Variants in RGS7 observed in about 807,000 individuals in gnomAD.
The protein encoded by RGS7 is regulator of G protein signaling 7.
A neutral mutation model predicts 81.1 loss-of-function variants in RGS7; 27 were observed. The observed-to-expected ratio is 0.33, with a 90% CI of 0.25 to 0.46. The LOEUF (loss-of-function observed/expected upper bound fraction) is 0.46, where lower values mean the gene tolerates loss of function less well. Among genes scored for constraint, RGS7 ranks in the 20% least tolerant of loss-of-function variants. RGS7 has a pLI of 1.00. For missense variants in RGS7, 396 were observed against 607.4 expected, an observed-to-expected ratio of 0.65 and a Z score of 3.66; for synonymous variants, 208 against 207.7, an observed-to-expected ratio of 1.00 and a Z score of -0.01.
chr1:240,873,077 T>TA (rs11402892), intron 6 of RGS7, among the ~76,000 whole-genome samples: 6,125 of 150,420 alleles, frequency 0.041, 409 homozygotes, highest in African/African-American at 0.14. Context: ...AGACTCCGTC[T>TA]AAAAAAAAAC....
chr1:241,264,490 C>A (rs550500022), intron 2 of RGS7, among the ~76,000 whole-genome samples: 1 of 152,038 alleles, frequency 6.6e-6, no homozygotes, highest in East Asian at 1.9e-4. Context: ...GAGTGAGACC[C>A]TGTCTCAAAG....
intron 9 of RGS7, among the ~76,000 whole-genome samples, chr1:240,840,378 A>T (rs889006256): frequency 2.0e-5 from 3 of 151,690 alleles, no homozygotes; most frequent in Non-Finnish European, 4.4e-5. Flanking sequence ...GGTTCAAGCG[A>T]TTCTCCTGCC....
At chr1:241,194,932 C>T (rs1210921134) in intron 2 of RGS7, among the ~76,000 whole-genome samples, 1 of 152,194 alleles carries the variant, frequency 6.6e-6, no homozygotes, top group Non-Finnish European at 1.5e-5. Context: ...GGATATCACT[C>T]TGCAATCTAC....
chr1:241,349,117 C>T (rs2083082797), intron 2 of RGS7, among the ~76,000 whole-genome samples: 1 of 152,148 alleles, frequency 6.6e-6, no homozygotes, highest in African/African-American at 2.4e-5. Context: ...TCAAACAGCT[C>T]TATGAAGAAA....
At chr1:241,146,103 G>A (rs1048982405) in intron 2 of RGS7, among the ~76,000 whole-genome samples, 5 of 152,190 alleles carry the variant, frequency 3.3e-5, no homozygotes, top group Non-Finnish European at 7.4e-5. Context: ...GAAGGTGAAG[G>A]AAGGAAAAGC....
At chr1:240,870,935 T>G (rs2148032813) in intron 6 of RGS7, among the ~76,000 whole-genome samples, 1 of 152,340 alleles carries the variant, frequency 6.6e-6, no homozygotes, top group African/African-American at 2.4e-5. Context: ...GTATCACATC[T>G]TACCTACCTT....
At chr1:241,255,152 G>GT (rs2077003629) in intron 2 of RGS7, among the ~76,000 whole-genome samples, 1 of 152,144 alleles carries the variant, frequency 6.6e-6, no homozygotes, top group Admixed American at 6.6e-5. Context: ...GGCAACTATT[G>GT]TTTTTTAATT....
intron 10 of RGS7, among the ~76,000 whole-genome samples, chr1:240,826,827 C>G (rs1435345426): frequency 1.3e-5 from 2 of 148,548 alleles, no homozygotes; most frequent in Admixed American, 1.3e-4. Context: ...TTTTAAAATG[C>G]CCTTCTCTCA....
chr1:241,212,086 T>C (rs1043217642), intron 2 of RGS7, among the ~76,000 whole-genome samples: 14 of 151,718 alleles, frequency 9.2e-5, no homozygotes, highest in African/African-American at 3.4e-4. Context: ...CATGTAATAA[T>C]TGAGTAATAA....
At chr1:241,009,166 A>G (rs2058833893) in intron 3 of RGS7, among the ~76,000 whole-genome samples, 1 of 152,180 alleles carries the variant, frequency 6.6e-6, no homozygotes, top group Non-Finnish European at 1.5e-5. Context: ...TGACTATCAC[A>G]CAGTCTGAAA....
At chr1:241,306,610 A>T (rs1231082461) in intron 2 of RGS7, among the ~76,000 whole-genome samples, 1 of 151,692 alleles carries the variant, frequency 6.6e-6, no homozygotes, top group Admixed American at 6.6e-5. Flanking sequence ...CTTCACAGGC[A>T]TATATACGCA....
intron 2 of RGS7, among the ~76,000 whole-genome samples, chr1:241,099,746 CA>C (rs1377552095): frequency 6.6e-6 from 1 of 152,184 alleles, no homozygotes; most frequent in Non-Finnish European, 1.5e-5. Flanking sequence ...ACTCATTCCA[CA>C]ACCACTTATC....
chr1:241,210,399 C>T (rs968890083), intron 2 of RGS7, among the ~76,000 whole-genome samples: 7 of 152,150 alleles, frequency 4.6e-5, no homozygotes, highest in Admixed American at 1.3e-4. Flanking sequence ...CCACCCACCT[C>T]GGCCTCCCAA....
chr1:241,280,279 G>A (rs527349086), intron 2 of RGS7, among the ~76,000 whole-genome samples: 7 of 152,194 alleles, frequency 4.6e-5, no homozygotes, highest in Admixed American at 6.5e-5. Flanking sequence ...AGGAATGCCC[G>A]TGATTGCCGG....
intron 6 of RGS7, among the ~76,000 whole-genome samples, chr1:240,883,028 G>C (rs950726650): frequency 2.0e-5 from 3 of 152,262 alleles, no homozygotes; most frequent in Admixed American, 2.0e-4. Context: ...TGCTGAGAAT[G>C]ATGGTTTCCA....
intron 2 of RGS7, among the ~76,000 whole-genome samples, chr1:241,238,944 C>T (rs1310833646): frequency 6.7e-6 from 1 of 148,470 alleles, no homozygotes; most frequent in Non-Finnish European, 1.5e-5. Flanking sequence ...AATGAGTCTC[C>T]AAATAGCTAT....
At position 241,091,465 on chromosome 1, in the gene RGS7, G is replaced by A. The variant is rs1373555435; in HGVS notation, c.175+7201C>T. Among the ~76,000 whole-genome samples the A allele has an allele frequency of 2.0e-5, 3 of 150,136 alleles. No individual in the cohort carries two copies. The South Asian group carries it at 6.4e-4, about 32-fold the overall frequency. ...CGGGAGGCTGAGGCAGGAGAATGGC[G>A]TGAACCCAGGAGGCGGAGCTTGCAG... On this transcript the variant is annotated intron_variant, in intron 3 of 18. Coordinates refer to ENST00000440928, the MANE Select transcript of RGS7 (RefSeq NM_001364886.1).
chr1:241,166,953 T>A (rs2070307335), intron 2 of RGS7, among the ~76,000 whole-genome samples: 2 of 152,190 alleles, frequency 1.3e-5, no homozygotes, highest in African/African-American at 4.8e-5. Context: ...CAGTAAAATG[T>A]GTTAATTGCT....
intron 3 of RGS7, among the ~76,000 whole-genome samples, chr1:241,007,756 A>G (rs1460187550): frequency 6.6e-6 from 1 of 152,214 alleles, no homozygotes; most frequent in East Asian, 1.9e-4. Context: ...AAGTGCTACT[A>G]TAAGAAATGA....
Sources: allele counts gnomAD v4.1 joint callset (sites outside exome capture counted in the v4.1 genomes callset), GRCh38; gene constraint gnomAD v4.1.1; transcripts MANE v1.5; gene names NCBI Gene and HGNC (gene_info 2026-07-23, HGNC 2026-07-21).